The following GARRE1 variants were observed in gnomAD, a reference collection of about 807,000 sequenced individuals.
GARRE1 encodes the protein granule associated Rac and RHOG effector 1, also known as granule associated Rac and RHOG effector protein 1.
Under a neutral mutation model 103.2 loss-of-function variants are expected in GARRE1, and 49 were observed. The ratio of observed to expected loss-of-function variants is 0.47; its 90% CI spans 0.38 to 0.60. GARRE1 has a LOEUF of 0.60. Among genes scored for constraint, GARRE1 ranks in the 20% least tolerant of loss-of-function variants. The probability of loss-of-function intolerance (pLI) is 0.00; values close to 1 mark genes in which losing one functional copy is unlikely to be tolerated. For missense variants in GARRE1, 1,199 were observed against 1,370.5 expected, an observed-to-expected ratio of 0.87 and a Z score of 1.98; for synonymous variants, 505 against 532.8, an observed-to-expected ratio of 0.95 and a Z score of 0.72.
intron 2 of GARRE1, among the ~76,000 whole-genome samples, chr19:34,319,488 CCTT>C (rs1192156384): frequency 6.6e-6 from 1 of 152,174 alleles, no homozygotes; most frequent in Non-Finnish European, 1.5e-5. Flanking sequence ...GTCAAACTGG[CCTT>C]CTTTCAGATT....
At chr19:34,311,341 A>C (rs1290569083) in intron 2 of GARRE1, among the ~76,000 whole-genome samples, 3 of 152,194 alleles carry the variant, frequency 2.0e-5, no homozygotes, top group African/African-American at 7.2e-5. Context: ...AACTAGAAGT[A>C]CTGCATGAGA....
intron 2 of GARRE1, among the ~76,000 whole-genome samples, chr19:34,316,535 C>T (rs568847263): frequency 1.1e-4 from 17 of 152,124 alleles, no homozygotes; most frequent in African/African-American, 3.6e-4. Flanking sequence ...CTGAGATCCT[C>T]GGAGGGGAAA....
chr19:34,290,076 A>G (rs2145230366), intron 1 of GARRE1, among the ~76,000 whole-genome samples: 1 of 151,946 alleles, frequency 6.6e-6, no homozygotes, highest in South Asian at 2.1e-4. Context: ...AAATGTAAGG[A>G]CCGGGCGCAG....
intron 1 of GARRE1, among the ~76,000 whole-genome samples, chr19:34,266,577 G>A (rs2073753003): frequency 6.6e-6 from 1 of 152,170 alleles, no homozygotes; most frequent in African/African-American, 2.4e-5. Context: ...GGCCAGGATG[G>A]TCTTGATCTC....
rs553898853 is a variant in GARRE1, at chr19:34,260,481, C to T, written c.-796+5867C>T. 2.6e-5 allele frequency among the ~76,000 whole-genome samples: 4 copies of T among 152,238 alleles called. No individual in the cohort carries two copies. In the East Asian group the frequency reaches 7.7e-4, roughly 29 times the overall value. On this transcript the variant is annotated intron_variant, in intron 1 of 13. Coordinates refer to ENST00000299505, the MANE Select transcript of GARRE1 (RefSeq NM_014686.5). Reference sequence around the variant, plus strand: ...TTTTCCTGATAATTTTGGCTATATACTTCTTGATCACCTTTTCTATGACAA... The same window carrying T: ...TTTTCCTGATAATTTTGGCTATATATTTCTTGATCACCTTTTCTATGACAA...
chr19:34,351,404 C>G, intron 12 of GARRE1, 110 bp from the exon 13 acceptor site: 2 of 855,834 alleles, frequency 2.3e-6, no homozygotes, highest in Non-Finnish European at 2.0e-6. Context: ...GCCTCCTCCC[C>G]TCCTAGAACC....
At chr19:34,307,556 A>T (rs1380156041) in intron 2 of GARRE1, among the ~76,000 whole-genome samples, 1 of 148,290 alleles carries the variant, frequency 6.7e-6, no homozygotes, top group Non-Finnish European at 1.5e-5. Flanking sequence ...CATATATATA[A>T]AATATGTATT....
chr19:34,275,313 T>C lies in GARRE1; in HGVS notation c.-796+20699T>C, dbSNP rs78682522. On this transcript the variant is annotated intron_variant, in intron 1 of 13. Coordinates refer to ENST00000299505, the MANE Select transcript of GARRE1 (RefSeq NM_014686.5). ...AAATTGGTGGTTTTTAGTATGTTCA[T>C]AGTTATGCAACCATCATCAATTTTA... Among the ~76,000 whole-genome samples the C allele has an allele frequency of 7.0e-4, 106 of 152,332 alleles. No homozygotes were observed. In the Middle Eastern group the frequency reaches 0.01, roughly 15 times the overall value.
intron 1 of GARRE1, among the ~76,000 whole-genome samples, chr19:34,280,128 C>T (rs1241308003): frequency 2.0e-5 from 3 of 152,022 alleles, no homozygotes; most frequent in African/African-American, 4.8e-5. Flanking sequence ...GAGCCAGGAC[C>T]GAGAGAGAGA....
intron 1 of GARRE1, among the ~76,000 whole-genome samples, chr19:34,270,323 A>G (rs1053894665): frequency 7.2e-5 from 11 of 152,188 alleles, no homozygotes; most frequent in African/African-American, 2.7e-4. Flanking sequence ...AGGTGACATC[A>G]TGTCCTCAGC....
At chr19:34,295,788 T>G (rs1390881119) in intron 1 of GARRE1, among the ~76,000 whole-genome samples, 2 of 152,146 alleles carry the variant, frequency 1.3e-5, no homozygotes, top group Non-Finnish European at 2.9e-5. Flanking sequence ...GTCTCAGCCT[T>G]TCAAAGTGCT....
Position 34,342,165 on chromosome 19 carries a change from A to G in GARRE1, c.2231A>G (p.Gln744Arg). ...YQHLLQPIGP[Q>R]QPPPQPRAPG... ...CACCTACTCCAGCCCATTGGACCGCAGCAGCCCCCGCCCCAGCCTCGGGCA... is the reference window on the plus strand; with the variant it reads ...CACCTACTCCAGCCCATTGGACCGCGGCAGCCCCCGCCCCAGCCTCGGGCA... The change falls in exon 10 of 14, where the codon CAG (glutamine) becomes CGG (arginine). Residue 744 changes from glutamine (Q) to arginine (R), a missense_variant. By Grantham distance (43) the Gln-to-Arg change is conservative. Transcript: ENST00000299505. The G allele has an allele frequency of 6.2e-7, 1 of 1,614,184 alleles. No homozygotes were observed. Among genetic ancestry groups the G allele is most frequent in the Admixed American group, 1.7e-5 (1 of 60,026 alleles).
At chr19:34,301,313 G>C (rs1307240682) in intron 2 of GARRE1, among the ~76,000 whole-genome samples, 2 of 151,882 alleles carry the variant, frequency 1.3e-5, no homozygotes, top group East Asian at 3.9e-4. Flanking sequence ...CTGTTGGATA[G>C]ATTTTAAAAA....
chr19:34,339,690 C>G lies in GARRE1; in HGVS notation c.1362-177C>G, dbSNP rs1050553312. 3.3e-5 allele frequency among the ~76,000 whole-genome samples: 5 copies of G among 152,330 alleles called. No homozygotes were observed. In the East Asian group the frequency reaches 9.6e-4, roughly 29 times the overall value. ...TCAGACCTTTTTGCTTCCTACTCCT[C>G]TTGTGGGGCAGTGAGTTCCAGGATC... On this transcript the variant is annotated intron_variant, in intron 8 of 13. Coordinates refer to ENST00000299505, the MANE Select transcript of GARRE1 (RefSeq NM_014686.5).
chr19:34,287,011 C>T (rs543472622), intron 1 of GARRE1, among the ~76,000 whole-genome samples: 76 of 151,658 alleles, frequency 5.0e-4, no homozygotes, highest in African/African-American at 1.7e-3. Flanking sequence ...TGGTGGCGGG[C>T]GCCTGTAGTC....
chr19:34,307,581 G>GTA (rs1166082634), intron 2 of GARRE1, among the ~76,000 whole-genome samples: 50 of 144,844 alleles, frequency 3.5e-4, no homozygotes, highest in Non-Finnish European at 5.4e-4. Flanking sequence ...ATATATGTAT[G>GTA]TATATATATA....
intron 1 of GARRE1, among the ~76,000 whole-genome samples, chr19:34,273,327 A>G (rs1462084898): frequency 6.6e-6 from 1 of 152,210 alleles, no homozygotes; most frequent in African/African-American, 2.4e-5. Context: ...AATGCTTGGC[A>G]CGTCATAGAC....
chr19:34,272,388 A>G (rs564575431), intron 1 of GARRE1, among the ~76,000 whole-genome samples: 4 of 152,234 alleles, frequency 2.6e-5, no homozygotes, highest in Non-Finnish European at 5.9e-5. Context: ...TAGTAGAGAC[A>G]GGGTTTTGCC....
intron 8 of GARRE1, among the ~76,000 whole-genome samples, chr19:34,339,553 T>G (rs967293049): frequency 6.6e-6 from 1 of 152,174 alleles, no homozygotes; most frequent in Non-Finnish European, 1.5e-5. Flanking sequence ...TATAAGCAAG[T>G]CATCTTATTA....
Sources: gnomAD v4.1 joint callset for allele counts (sites outside exome capture counted in the v4.1 genomes callset) on GRCh38, gnomAD v4.1.1 for gene constraint, MANE v1.5 for transcripts, NCBI Gene and HGNC (gene_info 2026-07-23, HGNC 2026-07-21) for gene names.